Variants in EML4 observed in about 807,000 individuals in gnomAD.
EML4 encodes the protein echinoderm microtubule-associated protein-like 4.
A neutral mutation model predicts 129.0 loss-of-function variants in EML4; 72 were observed. That is an observed-to-expected ratio of 0.56 (90% confidence interval 0.46 to 0.68). EML4 has a LOEUF of 0.68. EML4 is among the 30% of genes least tolerant of loss of function. The pLI, the probability that EML4 is intolerant of heterozygous loss-of-function variation, is 0.00. For synonymous variants in EML4, 532 were observed against 405.0 expected (o/e 1.31, Z -3.77); for missense variants, 1,363 against 1,190.6 (o/e 1.14, Z -2.13).
intron 11 of EML4, among the ~76,000 whole-genome samples, chr2:42,293,094 T>C (rs1163718961): frequency 2.0e-5 from 3 of 152,128 alleles, no homozygotes; most frequent in Non-Finnish European, 4.4e-5. Flanking sequence ...AGATGTGCTG[T>C]ACTTTATCTT....
intron 1 of EML4, among the ~76,000 whole-genome samples, chr2:42,218,383 ATG>A (rs1673337762): frequency 6.6e-6 from 1 of 152,126 alleles, no homozygotes; most frequent in African/African-American, 2.4e-5. Context: ...ATATATTACA[ATG>A]TAATAATAAT....
At chr2:42,309,506 G>C (rs13384885) in intron 17 of EML4, among the ~76,000 whole-genome samples, 19,157 of 147,480 alleles carry the variant, frequency 0.13, 1,243 homozygotes, top group East Asian at 0.18. Context: ...ATTGTCTTAT[G>C]ATTCTACCAG....
At chr2:42,310,670 C>T (rs1478480843) in intron 17 of EML4, among the ~76,000 whole-genome samples, 1 of 152,220 alleles carries the variant, frequency 6.6e-6, no homozygotes, top group East Asian at 1.9e-4. Context: ...AATGTATATA[C>T]TCCAGACTAG....
At chr2:42,290,834 G>A (rs931986632) in intron 11 of EML4, among the ~76,000 whole-genome samples, 4 of 152,120 alleles carry the variant, frequency 2.6e-5, no homozygotes, top group African/African-American at 9.7e-5. Context: ...CATAATCATG[G>A]ATAGGAGACG....
chr2:42,331,682 A>G lies in EML4; in HGVS notation c.*1475A>G, dbSNP rs890857591. 9.1e-6 allele frequency: 2 copies of G among 220,714 alleles called. No individual in the cohort carries two copies. The highest frequency in any genetic ancestry group is 1.2e-4 in the Admixed American group (2 of 17,320). The allele number at this position is 220,714 out of a possible 1,614,324, so 13.7% of individuals were successfully genotyped here. A position where few individuals can be genotyped will look rare whatever the true frequency, so the allele number is the denominator to read the frequency against. ...GCATCAGAACTGTCATTCCCTTCTA[A>G]TATCTTCTCAGGAGTAATACAAATC... On this transcript the variant is annotated 3_prime_UTR_variant, in exon 23 of 23. Coordinates refer to ENST00000318522, the MANE Select transcript of EML4 (RefSeq NM_019063.5).
At chr2:42,233,962 G>C (rs1356723455) in intron 1 of EML4, among the ~76,000 whole-genome samples, 2 of 152,220 alleles carry the variant, frequency 1.3e-5, no homozygotes, top group Non-Finnish European at 2.9e-5. Flanking sequence ...CCAGTTTAAA[G>C]AAGATCCGAA....
At chr2:42,264,605 T>TA in intron 5 of EML4, 101 bp from the exon 6 acceptor site, 1 of 729,262 alleles carries the variant, frequency 1.4e-6, no homozygotes, top group Non-Finnish European at 2.3e-6. Flanking sequence ...TTATCTAGAT[T>TA]ATAGCCTAAG....
chr2:42,293,316 G>C (rs1667760950), intron 11 of EML4, among the ~76,000 whole-genome samples: 1 of 151,966 alleles, frequency 6.6e-6, no homozygotes, highest in Admixed American at 6.6e-5. Flanking sequence ...TTGCACAGTT[G>C]ATCTCTAACT....
chr2:42,217,322 T>TC (rs1296908147), intron 1 of EML4, among the ~76,000 whole-genome samples: 3 of 152,154 alleles, frequency 2.0e-5, no homozygotes. Context: ...CAGTTGAGTC[T>TC]CTAAGTTTTT....
intron 1 of EML4, among the ~76,000 whole-genome samples, chr2:42,174,125 G>C (rs776341422): frequency 7.2e-5 from 11 of 152,154 alleles, no homozygotes; most frequent in African/African-American, 1.2e-4. Flanking sequence ...TATTTTGTAT[G>C]TGGGAGTCCA....
At chr2:42,200,088 T>C (rs1312196785) in intron 1 of EML4, among the ~76,000 whole-genome samples, 1 of 147,814 alleles carries the variant, frequency 6.8e-6, no homozygotes, top group Non-Finnish European at 1.5e-5. Context: ...GGCGGGCAGA[T>C]CGCGAAGTCA....
intron 1 of EML4, among the ~76,000 whole-genome samples, chr2:42,206,661 A>G (rs981408914): frequency 2.0e-5 from 3 of 152,162 alleles, no homozygotes; most frequent in South Asian, 2.1e-4. Flanking sequence ...CTGTCTCTCA[A>G]TTTAGTTTTG....
chr2:42,319,207 T>C (rs759246000), intron 19 of EML4, among the ~76,000 whole-genome samples: 1 of 152,136 alleles, frequency 6.6e-6, no homozygotes, highest in Non-Finnish European at 1.5e-5. Flanking sequence ...TTCTACTAAC[T>C]CTTAGTAGAG....
intron 6 of EML4, among the ~76,000 whole-genome samples, chr2:42,278,078 A>G (rs139505841): frequency 1.3e-5 from 2 of 152,266 alleles, no homozygotes; most frequent in African/African-American, 2.4e-5. Context: ...TGCTATTTTC[A>G]TATCATGCCA....
chr2:42,307,069 G>A (rs1169236406), intron 17 of EML4, among the ~76,000 whole-genome samples: 1 of 152,168 alleles, frequency 6.6e-6, no homozygotes, highest in Non-Finnish European at 1.5e-5. Context: ...GTATACAAGG[G>A]AGTTAAACAC....
chr2:42,256,915 C>G (rs1395928415), intron 3 of EML4, among the ~76,000 whole-genome samples: 3 of 152,150 alleles, frequency 2.0e-5, no homozygotes, highest in Non-Finnish European at 4.4e-5. Context: ...TTATTGAAAG[C>G]ATCACTATAT....
At chr2:42,301,548 A>T (rs1365273520) in intron 14 of EML4, among the ~76,000 whole-genome samples, 156 bp downstream of exon 14, 1 of 152,026 alleles carries the variant, frequency 6.6e-6, no homozygotes, top group Non-Finnish European at 1.5e-5. Context: ...CCTTTAAGAT[A>T]ACTTTTTTCA....
chr2:42,275,641 T>C (rs898601980), intron 6 of EML4, among the ~76,000 whole-genome samples: 2 of 152,242 alleles, frequency 1.3e-5, no homozygotes, highest in African/African-American at 4.8e-5. Flanking sequence ...TAAGAATATT[T>C]ATGTTGTTTG....
rs931907551 is a variant in EML4, at chr2:42,295,054, C to T, written c.1219-71C>T. The T allele has an allele frequency of 2.2e-6, 3 of 1,334,522 alleles. No individual in the cohort carries two copies. The African/African-American group carries it at 4.5e-5, about 20-fold the overall frequency. The allele number at this position is 1,334,522 out of a possible 1,614,324, so 82.7% of individuals were successfully genotyped here. A position where few individuals can be genotyped will look rare whatever the true frequency, so the allele number is the denominator to read the frequency against. ...TTGCCCTATCGTTAATTGTAAGTAG[C>T]AGTAATTGAATTGATACTTGAAGGA... On this transcript the variant is annotated intron_variant, in intron 11 of 22. Coordinates refer to ENST00000318522, the MANE Select transcript of EML4 (RefSeq NM_019063.5).
Sources: allele counts gnomAD v4.1 joint callset (sites outside exome capture counted in the v4.1 genomes callset), GRCh38; gene constraint gnomAD v4.1.1; transcripts MANE v1.5; gene names NCBI Gene and HGNC (gene_info 2026-07-23, HGNC 2026-07-21).